The following CCDC146 variants were observed in gnomAD, a reference collection of about 807,000 sequenced individuals.
CCDC146 encodes the protein coiled-coil domain-containing protein 146.
CCDC146 carries 92 observed loss-of-function variants against 119.3 expected under a neutral mutation model. That is an observed-to-expected ratio of 0.77 (90% confidence interval 0.65 to 0.92). The LOEUF is 0.92. Among genes scored for constraint, CCDC146 ranks in the 40% least tolerant of loss-of-function variants. CCDC146 has a pLI of 0.00. For synonymous variants in CCDC146, 372 were observed against 371.8 expected, an observed-to-expected ratio of 1.00 and a Z score of -0.01; for missense variants, 1,000 against 1,103.0, an observed-to-expected ratio of 0.91 and a Z score of 1.32.
chr7:77,147,266 C>T lies in CCDC146; in HGVS notation c.-11-20392C>T, dbSNP rs544600495. 3.3e-5 allele frequency among the ~76,000 whole-genome samples: 5 copies of T among 152,274 alleles called. No individual in the cohort carries two copies. The South Asian group carries it at 1.0e-3, about 32-fold the overall frequency. On this transcript the variant is annotated intron_variant, in intron 1 of 18. Transcript: ENST00000285871. ...GCCATGGTTTTCAGCTCCATCAGGT[C>T]CTTTAAGGACTTCTCTTCATTGGTT...
chr7:77,257,759 A>G (rs1045345204), intron 6 of CCDC146: 5 of 151,998 alleles, frequency 3.3e-5, no homozygotes, highest in African/African-American at 9.7e-5. Context: ...TCCAATGACA[A>G]CCTCGGGCAG....
At chr7:77,124,565 A>T (rs1406550135) in intron 1 of CCDC146, among the ~76,000 whole-genome samples, 2 of 152,134 alleles carry the variant, frequency 1.3e-5, no homozygotes, top group Non-Finnish European at 2.9e-5. Flanking sequence ...CTCTACCAAA[A>T]CGTCCATTTT....
At chr7:77,186,126 C>T (rs1584051513) in intron 2 of CCDC146, among the ~76,000 whole-genome samples, 1 of 152,088 alleles carries the variant, frequency 6.6e-6, no homozygotes, top group Admixed American at 6.5e-5. Flanking sequence ...TATGACCAAG[C>T]AATCCCACTG....
intron 14 of CCDC146, among the ~76,000 whole-genome samples, chr7:77,280,986 C>T (rs1295744873): frequency 6.6e-6 from 1 of 151,956 alleles, no homozygotes; most frequent in Non-Finnish European, 1.5e-5. Flanking sequence ...GCCTGTAATC[C>T]CAGCTACTTG....
chr7:77,211,782 A>AT (rs1395125794), intron 2 of CCDC146, among the ~76,000 whole-genome samples: 2 of 151,728 alleles, frequency 1.3e-5, no homozygotes, highest in Non-Finnish European at 1.5e-5. Flanking sequence ...TGCCTGGCTA[A>AT]TTTTTTTATC....
rs574266248 is a variant in CCDC146 at position 77,164,300 on chromosome 7, A to G, written c.-11-3358A>G. 4.9e-3 allele frequency among the ~76,000 whole-genome samples: 750 copies of G among 152,306 alleles called. 9 individuals carry two copies. Among genetic ancestry groups the G allele is most frequent in the African/African-American group, 0.017 (726 of 41,566 alleles). ...CATATTTTAGTTTATTCACAAAACA[A>G]ATTTAAATATATAGCCAAACCATTT... is the stretch of plus-strand genomic sequence containing the variant. On this transcript the variant is annotated intron_variant, in intron 1 of 18. Coordinates refer to ENST00000285871, the MANE Select transcript of CCDC146 (RefSeq NM_020879.3).
At chr7:77,224,408 T>C (rs3108406) in intron 2 of CCDC146, among the ~76,000 whole-genome samples, 123,558 of 152,134 alleles carry the variant, frequency 0.81, 51,454 homozygotes, top group Non-Finnish European at 0.9. Context: ...GTCTCAAATC[T>C]AGCCAGGAAC....
intron 3 of CCDC146, among the ~76,000 whole-genome samples, chr7:77,239,399 G>T (rs116813304): frequency 7.1e-4 from 108 of 152,312 alleles, no homozygotes; most frequent in African/African-American, 2.6e-3. Context: ...GTTGCTATTT[G>T]GTACCTAACA....
chr7:77,209,248 C>G (rs1792137584), intron 2 of CCDC146, among the ~76,000 whole-genome samples: 1 of 152,180 alleles, frequency 6.6e-6, no homozygotes, highest in Non-Finnish European at 1.5e-5. Flanking sequence ...GTAAATACAC[C>G]CATTCCAAGA....
intron 1 of CCDC146, among the ~76,000 whole-genome samples, chr7:77,126,387 C>A (rs1252317667): frequency 2.0e-5 from 3 of 152,026 alleles, no homozygotes; most frequent in Admixed American, 1.3e-4. Context: ...TCTTGTCCTG[C>A]ATCCAGGAAG....
At chr7:77,203,043 C>A (rs868000418) in intron 2 of CCDC146, among the ~76,000 whole-genome samples, 7 of 145,176 alleles carry the variant, frequency 4.8e-5, no homozygotes, top group Non-Finnish European at 9.1e-5. Context: ...CCCCCCCCCC[C>A]CCAGGACTAT....
chr7:77,278,703 G>A (rs202063123), intron 11 of CCDC146, 49 bp from the exon 12 acceptor site: 1 of 1,253,330 alleles, frequency 8.0e-7, no homozygotes, highest in African/African-American at 1.5e-5. Context: ...GATAAATCTG[G>A]GAGTGTTCAT....
At chr7:77,161,771 A>G (rs1300641115) in intron 1 of CCDC146, among the ~76,000 whole-genome samples, 1 of 152,122 alleles carries the variant, frequency 6.6e-6, no homozygotes, top group African/African-American at 2.4e-5. Flanking sequence ...CATGTACCCT[A>G]AAACTTAAAG....
At chr7:77,201,656 C>T (rs775011508) in intron 2 of CCDC146, among the ~76,000 whole-genome samples, 47 of 151,678 alleles carry the variant, frequency 3.1e-4, no homozygotes, top group Middle Eastern at 3.4e-3. Flanking sequence ...ATAAATTTGT[C>T]AAACATGTTC....
At chr7:77,214,342 G>T (rs1792258754) in intron 2 of CCDC146, among the ~76,000 whole-genome samples, 1 of 151,996 alleles carries the variant, frequency 6.6e-6, no homozygotes, top group African/African-American at 2.4e-5. Context: ...TATAGATTCT[G>T]GATATTTGTC....
chr7:77,279,718 C>T (rs6958464), intron 13 of CCDC146, among the ~76,000 whole-genome samples: 53,823 of 151,998 alleles, frequency 0.35, 10,403 homozygotes, highest in African/African-American at 0.5. Flanking sequence ...ATATTTCATG[C>T]GACATTTTAC....
intron 2 of CCDC146, among the ~76,000 whole-genome samples, chr7:77,168,270 G>C (rs534920411): frequency 6.6e-6 from 1 of 151,906 alleles, no homozygotes; most frequent in Non-Finnish European, 1.5e-5. Flanking sequence ...AAGCAAAAAG[G>C]GGAATATGAT....
intron 2 of CCDC146, among the ~76,000 whole-genome samples, chr7:77,233,061 G>A (rs1792662747): frequency 6.6e-6 from 1 of 150,830 alleles, no homozygotes; most frequent in East Asian, 1.9e-4. Flanking sequence ...ATTTTGACCA[G>A]TTAAATCAAT....
At chr7:77,150,170 G>A (rs1289430790) in intron 1 of CCDC146, among the ~76,000 whole-genome samples, 1 of 151,508 alleles carries the variant, frequency 6.6e-6, no homozygotes, top group Non-Finnish European at 1.5e-5. Context: ...TAATCTGTAA[G>A]AATTCTTTTA....
Sources: allele counts gnomAD v4.1 joint callset (sites outside exome capture counted in the v4.1 genomes callset), GRCh38; gene constraint gnomAD v4.1.1; transcripts MANE v1.5; gene names NCBI Gene and HGNC (gene_info 2026-07-23, HGNC 2026-07-21).